SIMC1: variants seen among roughly 807,000 people sequenced by gnomAD.
SIMC1 encodes the protein SUMO interacting motifs containing 1, also known as SUMO-interacting motif-containing protein 1.
A neutral mutation model predicts 82.3 loss-of-function variants in SIMC1; 55 were observed. The ratio of observed to expected loss-of-function variants is 0.67; its 90% CI spans 0.54 to 0.84. The LOEUF (loss-of-function observed/expected upper bound fraction) is 0.84, where lower values mean the gene tolerates loss of function less well. Among genes scored for constraint, SIMC1 ranks in the 40% least tolerant of loss-of-function variants. The pLI is 0.00. For synonymous variants in SIMC1, 353 were observed against 426.3 expected (o/e 0.83, Z 2.12); for missense variants, 915 against 1,107.2 (o/e 0.83, Z 2.46).
intron 1 of SIMC1, among the ~76,000 whole-genome samples, chr5:176,258,614 T>C (rs1445560087): frequency 2.6e-5 from 4 of 151,198 alleles, no homozygotes; most frequent in Admixed American, 2.0e-4. Context: ...TGAGATAGAG[T>C]CTTGCTCTCT....
chr5:176,285,844 A>T (rs1419226526), intron 1 of SIMC1, among the ~76,000 whole-genome samples: 2 of 148,062 alleles, frequency 1.4e-5, no homozygotes, highest in African/African-American at 4.9e-5. Context: ...ATGCACCAAT[A>T]ACAGACAGAG....
chr5:176,320,496 G>A (rs1765114364), intron 5 of SIMC1, among the ~76,000 whole-genome samples: 1 of 151,998 alleles, frequency 6.6e-6, no homozygotes, highest in Non-Finnish European at 1.5e-5. Flanking sequence ...AGCCTCTTGG[G>A]TAGCTGGGAC....
intron 4 of SIMC1, chr5:176,308,115 CTT>C (rs569229459): frequency 1.4e-5 from 12 of 880,750 alleles, no homozygotes; most frequent in Non-Finnish European, 2.1e-5. Context: ...GAGTCTGACA[CTT>C]TCCTTGTTTG....
chr5:176,324,144 G>A (rs191188834), intron 6 of SIMC1, among the ~76,000 whole-genome samples: 3 of 152,170 alleles, frequency 2.0e-5, no homozygotes, highest in Admixed American at 2.0e-4. Flanking sequence ...GGTTCCACCA[G>A]GGGAGGTTCT....
At chr5:176,296,034 AG>A (rs1160418743) in intron 3 of SIMC1, 2 of 780,978 alleles carry the variant, frequency 2.6e-6, no homozygotes, top group African/African-American at 3.5e-5. Context: ...ACAAAATTAT[AG>A]TACTAAAGCT....
chr5:176,261,845 A>C (rs917840553), intron 1 of SIMC1, among the ~76,000 whole-genome samples: 1 of 152,194 alleles, frequency 6.6e-6, no homozygotes, highest in Admixed American at 6.5e-5. Flanking sequence ...TAACCTTCCA[A>C]AACAGAAAGC....
At chr5:176,271,767 G>A (rs1452316939) in intron 1 of SIMC1, among the ~76,000 whole-genome samples, 5 of 150,462 alleles carry the variant, frequency 3.3e-5, no homozygotes, top group Non-Finnish European at 5.9e-5. Flanking sequence ...TTGAGGTGAC[G>A]GATACCCATT....
chr5:176,241,202 CAG>C (rs1761264094), intron 1 of SIMC1, among the ~76,000 whole-genome samples: 2 of 64,190 alleles, frequency 3.1e-5, no homozygotes, highest in Non-Finnish European at 6.4e-5. Context: ...CTTATAAAAA[CAG>C]AACATTTTCA....
At chr5:176,279,897 T>C (rs1762902601) in intron 1 of SIMC1, among the ~76,000 whole-genome samples, 1 of 152,130 alleles carries the variant, frequency 6.6e-6, no homozygotes, top group Non-Finnish European at 1.5e-5. Context: ...CTTCCAAGTA[T>C]GTGGTCAATT....
At chr5:176,323,872 C>T (rs1193602570) in intron 6 of SIMC1, among the ~76,000 whole-genome samples, 5 of 151,968 alleles carry the variant, frequency 3.3e-5, no homozygotes, top group African/African-American at 1.2e-4. Context: ...CCTGTAGTCC[C>T]AGCTACTCAG....
chr5:176,295,518 A>G (rs994927025), intron 3 of SIMC1, among the ~76,000 whole-genome samples: 1 of 152,236 alleles, frequency 6.6e-6, no homozygotes, highest in Non-Finnish European at 1.5e-5. Context: ...AATGGTTACC[A>G]GGGTTCATTC....
At chr5:176,342,766 T>C (rs953017937) in intron 9 of SIMC1, among the ~76,000 whole-genome samples, 1 of 152,236 alleles carries the variant, frequency 6.6e-6, no homozygotes, top group Non-Finnish European at 1.5e-5. Context: ...CTGCTTCCCT[T>C]ATTCCCCTCA....
At chr5:176,258,495 A>G (rs1007702323) in intron 1 of SIMC1, among the ~76,000 whole-genome samples, 2 of 150,504 alleles carry the variant, frequency 1.3e-5, no homozygotes, top group Non-Finnish European at 3.0e-5. Context: ...AAGTGGAAAA[A>G]AGCAAGTCAC....
intron 9 of SIMC1, among the ~76,000 whole-genome samples, chr5:176,339,191 G>GTC (rs1358203216): frequency 6.6e-6 from 1 of 152,150 alleles, no homozygotes; most frequent in East Asian, 1.9e-4. Context: ...GTGAAACCCC[G>GTC]TCTCTACTAA....
At position 176,345,393 on chromosome 5, in the gene SIMC1, C is replaced by T. The variant is rs1020590840; in HGVS notation, c.2624C>T (p.Ala875Val). 5.0e-6 allele frequency: 8 copies of T among 1,613,812 alleles called. No individual in the cohort carries two copies. The highest frequency in any genetic ancestry group is 4.4e-5 in the South Asian group (4 of 91,082). The change falls in exon 10 of 10, where the codon GCG (alanine) becomes GTG (valine). Residue 875 changes from alanine (A) to valine (V), a missense_variant. Physicochemically the swap from Ala to Val is moderately conservative, Grantham distance 64. This residue lies in a region of SIMC1 where 902 missense variants were observed against 1,040.3 expected (regional missense o/e 0.87). Transcript: ENST00000429602. ...HLLKLLLFYA[A>V]DLNPDAEPFQ... ...TTGAAGCTCCTGCTCTTCTATGCTG[C>T]GGACTTGAACCCTGATGCAGAGCCC...
Position 176,253,931 on chromosome 5 carries a change from C to T in SIMC1, c.129+15294C>T, listed in dbSNP as rs1354637836. Among the ~76,000 whole-genome samples, 4 of 152,050 alleles carry T rather than the reference C, an allele frequency of 2.6e-5. No individual in the cohort carries two copies. The East Asian group carries it at 7.7e-4, about 29-fold the overall frequency. ...GAATCAATTGAATAAATCAAATGAC[C>T]ACGGAGAACTAGGTGACACCTTTTG... is the stretch of plus-strand genomic sequence containing the variant. On this transcript the variant is annotated intron_variant, in intron 1 of 9. Coordinates refer to ENST00000429602, the MANE Select transcript of SIMC1 (RefSeq NM_001308195.2).
chr5:176,342,594 A>G (rs1211143515), intron 9 of SIMC1, among the ~76,000 whole-genome samples: 3 of 152,168 alleles, frequency 2.0e-5, no homozygotes, highest in Non-Finnish European at 2.9e-5. Context: ...ACCACGGCAG[A>G]AGGCTTCCTA....
At chr5:176,271,757 T>C (rs1762435445) in intron 1 of SIMC1, among the ~76,000 whole-genome samples, 1 of 151,294 alleles carries the variant, frequency 6.6e-6, no homozygotes, top group Admixed American at 6.6e-5. Context: ...AAATGAATTC[T>C]TGAGGTGACG....
At chr5:176,241,550 C>G (rs1175605137) in intron 1 of SIMC1, among the ~76,000 whole-genome samples, 1 of 151,614 alleles carries the variant, frequency 6.6e-6, no homozygotes, top group Non-Finnish European at 1.5e-5. Flanking sequence ...AAAAGGTGTG[C>G]CCTACTTTAT....
Sources: allele counts gnomAD v4.1 joint callset (sites outside exome capture counted in the v4.1 genomes callset), GRCh38; gene constraint gnomAD v4.1.1; regional missense constraint gnomAD v4.1.1; transcripts MANE v1.5; gene names NCBI Gene and HGNC (gene_info 2026-07-23, HGNC 2026-07-21).